Variants in AKT3 observed in about 807,000 individuals in gnomAD.
The protein encoded by AKT3 is AKT serine/threonine kinase 3, also known as RAC-gamma serine/threonine-protein kinase.
AKT3 carries 15 observed loss-of-function variants against 65.3 expected under a neutral mutation model. The ratio of observed to expected loss-of-function variants is 0.23; its 90% CI spans 0.15 to 0.35. AKT3 has a LOEUF of 0.35. Ranked by LOEUF, AKT3 falls within the 10% of genes least tolerant of loss-of-function variation. AKT3 has a pLI of 1.00. For synonymous variants in AKT3, 206 were observed against 183.8 expected, an observed-to-expected ratio of 1.12 and a Z score of -0.98; for missense variants, 243 against 576.5, an observed-to-expected ratio of 0.42 and a Z score of 5.92.
chr1:243,560,460 CACA>C (rs1320886983), intron 10 of AKT3, among the ~76,000 whole-genome samples: 10 of 152,036 alleles, frequency 6.6e-5, no homozygotes, highest in African/African-American at 2.4e-4. Flanking sequence ...CAATATGTGA[CACA>C]ACATTTAAAA....
At chr1:243,827,858 A>T (rs1021373323) in intron 2 of AKT3, among the ~76,000 whole-genome samples, 5 of 152,146 alleles carry the variant, frequency 3.3e-5, no homozygotes, top group African/African-American at 1.2e-4. Flanking sequence ...ATTAAGAAAG[A>T]TGAAGCCTGA....
chr1:243,714,015 G>C (rs545301300), intron 2 of AKT3, among the ~76,000 whole-genome samples: 7 of 152,272 alleles, frequency 4.6e-5, no homozygotes, highest in African/African-American at 1.7e-4. Flanking sequence ...CTGCTGCAGA[G>C]TAGATAAATC....
rs146799437 is a variant in AKT3, at chr1:243,491,087, G to A, written c.*7-2637C>T. Reference sequence around the variant, plus strand: ...GTCTTCCGTGGAAGCTGGAGCACACGGCAGCTTCCTTTGGGCTCTGGACTA... The same window carrying A: ...GTCTTCCGTGGAAGCTGGAGCACACAGCAGCTTCCTTTGGGCTCTGGACTA... On this transcript the variant is annotated intron_variant, in intron 13 of 13. Coordinates refer to the AKT3 transcript ENST00000336199. Among the ~76,000 whole-genome samples the A allele has an allele frequency of 1.6e-3, 240 of 152,268 alleles. 1 individual carries two copies. The highest frequency in any genetic ancestry group is 5.5e-3 in the African/African-American group (230 of 41,558).
At chr1:243,810,981 T>C (rs922808211) in intron 2 of AKT3, among the ~76,000 whole-genome samples, 1 of 152,192 alleles carries the variant, frequency 6.6e-6, no homozygotes, top group Non-Finnish European at 1.5e-5. Context: ...CAGCCCTTCA[T>C]GCTAAAAACT....
intron 12 of AKT3, among the ~76,000 whole-genome samples, chr1:243,542,311 A>C (rs909288971): frequency 1.3e-5 from 2 of 152,244 alleles, no homozygotes; most frequent in African/African-American, 4.8e-5. Context: ...TTCCACAAAG[A>C]AAGCAAGAAG....
At position 243,729,729 on chromosome 1, in the gene AKT3, AT is replaced by A. The variant is rs1333394229; in HGVS notation, c.47-34014del. On this transcript the variant is annotated intron_variant, in intron 2 of 13. Coordinates refer to ENST00000673466, the MANE Select transcript of AKT3 (RefSeq NM_005465.7). The stretch of plus-strand genomic sequence containing the variant: ...AAATTCCAAATGTTGTATTTTAAAA[AT>A]AAAAATATGTGCATAGACAAAAGAT... Among the ~76,000 whole-genome samples, 9 of 152,386 alleles carry A rather than the reference AT, an allele frequency of 5.9e-5. No individual in the cohort carries two copies. In the South Asian group the frequency reaches 1.9e-3, roughly 32 times the overall value.
chr1:243,691,922 C>G (rs1406655404), intron 3 of AKT3, among the ~76,000 whole-genome samples: 1 of 152,132 alleles, frequency 6.6e-6, no homozygotes, highest in Non-Finnish European at 1.5e-5. Context: ...AACCAGAACC[C>G]TGTTAAATAC....
chr1:243,532,221 T>C (rs1413539626), intron 12 of AKT3, among the ~76,000 whole-genome samples: 1 of 152,222 alleles, frequency 6.6e-6, no homozygotes, highest in Non-Finnish European at 1.5e-5. Flanking sequence ...TCTTTCACCA[T>C]TGAATATAAT....
At chr1:243,748,462 C>T (rs1688609635) in intron 2 of AKT3, among the ~76,000 whole-genome samples, 1 of 152,118 alleles carries the variant, frequency 6.6e-6, no homozygotes, top group Non-Finnish European at 1.5e-5. Flanking sequence ...GCACAATCTT[C>T]ACCACTTAGA....
rs561040470 is a variant in AKT3 at position 243,624,989 on chromosome 1, T to G, written c.562-9828A>C. 8.3e-6 allele frequency: 3 copies of G among 359,686 alleles called. No homozygotes were observed. The South Asian group carries it at 8.6e-5, about 10-fold the overall frequency. 22.3% of individuals were successfully genotyped at this position (359,686 alleles called of 1,614,324 possible). On this transcript the variant is annotated intron_variant, in intron 6 of 13. Coordinates refer to ENST00000673466, the MANE Select transcript of AKT3 (RefSeq NM_005465.7). Reference sequence around the variant, plus strand: ...CCTGCCTAGTGACAAAGCCCATCCCTAGAGCCTTCATGTACTCATCAAAGT... The same window carrying G: ...CCTGCCTAGTGACAAAGCCCATCCCGAGAGCCTTCATGTACTCATCAAAGT...
intron 2 of AKT3, among the ~76,000 whole-genome samples, chr1:243,748,989 C>CT (rs1688642405): frequency 6.6e-6 from 1 of 152,226 alleles, no homozygotes; most frequent in African/African-American, 2.4e-5. Flanking sequence ...TGCATGAATA[C>CT]TTTAATATTT....
At chr1:243,677,310 T>G (rs1001531381) in intron 3 of AKT3, among the ~76,000 whole-genome samples, 1 of 152,200 alleles carries the variant, frequency 6.6e-6, no homozygotes, top group Non-Finnish European at 1.5e-5. Flanking sequence ...TGGTGGTACT[T>G]CATCATATGC....
At chr1:243,522,694 A>G (rs533638339) in intron 12 of AKT3, among the ~76,000 whole-genome samples, 103 of 152,228 alleles carry the variant, frequency 6.8e-4, no homozygotes, top group African/African-American at 2.4e-3. Flanking sequence ...ACTGGAAAAA[A>G]CTTGGGACCT....
intron 2 of AKT3, among the ~76,000 whole-genome samples, chr1:243,758,246 A>C (rs934501266): frequency 1.3e-5 from 2 of 152,174 alleles, no homozygotes; most frequent in Admixed American, 6.5e-5. Context: ...TAGTACGAAA[A>C]ATGCTAGGAG....
chr1:243,517,809 G>A (rs975968730), intron 12 of AKT3, among the ~76,000 whole-genome samples: 11 of 152,116 alleles, frequency 7.2e-5, no homozygotes, highest in African/African-American at 2.4e-4. Flanking sequence ...TTATTGATAC[G>A]AGTAAGATTA....
At chr1:243,592,533 C>CAGAAA (rs1250974695) in intron 8 of AKT3, among the ~76,000 whole-genome samples, 1 of 151,322 alleles carries the variant, frequency 6.6e-6, no homozygotes, top group Non-Finnish European at 1.5e-5. Flanking sequence ...ACTGTATAAG[C>CAGAAA]CAGAAGAAAG....
chr1:243,785,186 G>A (rs1397184999), intron 2 of AKT3, among the ~76,000 whole-genome samples: 6 of 150,724 alleles, frequency 4.0e-5, no homozygotes, highest in East Asian at 2.0e-4. Flanking sequence ...TGCCTCAGCC[G>A]CAGGTGTGAG....
At chr1:243,849,386 A>ACCCCCCCCC (rs57424400) in intron 1 of AKT3, among the ~76,000 whole-genome samples, 1,184 of 107,104 alleles carry the variant, frequency 0.011, 4 homozygotes, top group African/African-American at 0.018. Context: ...CCACACACAC[A>ACCCCCCCCC]CCCCCCCCCC....
intron 2 of AKT3, among the ~76,000 whole-genome samples, chr1:243,753,176 A>T (rs1545654): frequency 0.85 from 128,743 of 152,230 alleles, 54,510 homozygotes; most frequent in Middle Eastern, 0.87. Context: ...AGTAAGTGAA[A>T]GAACATGCCT....
Sources: gnomAD v4.1 joint callset for allele counts (sites outside exome capture counted in the v4.1 genomes callset) on GRCh38, gnomAD v4.1.1 for gene constraint, MANE v1.5 for transcripts, NCBI Gene and HGNC (gene_info 2026-07-23, HGNC 2026-07-21) for gene names.